The following COL28A1 variants were observed in gnomAD, a reference collection of about 807,000 sequenced individuals.
The protein encoded by COL28A1 is collagen type XXVIII alpha 1 chain, also known as collagen alpha-1(XXVIII) chain.
A neutral mutation model predicts 150.2 loss-of-function variants in COL28A1; 161 were observed. The observed-to-expected ratio is 1.07, with a 90% CI of 0.94 to 1.22. The LOEUF is 1.22. COL28A1 is among the 50% of genes most tolerant of loss of function. The pLI is 0.00. For synonymous variants in COL28A1, 552 were observed against 469.7 expected (o/e 1.18, Z -2.26); for missense variants, 1,617 against 1,388.3 (o/e 1.16, Z -2.62).
chr7:7,410,653 TTA>T (rs979653138), intron 27 of COL28A1, among the ~76,000 whole-genome samples: 55 of 136,408 alleles, frequency 4.0e-4, no homozygotes, highest in South Asian at 1.2e-3. Flanking sequence ...TTTTTTTTTT[TTA>T]AATGCTGTTG....
intron 23 of COL28A1, among the ~76,000 whole-genome samples, chr7:7,435,983 C>T (rs993784324): frequency 1.4e-4 from 21 of 152,114 alleles, no homozygotes; most frequent in African/African-American, 5.1e-4. Flanking sequence ...TTTGTCTTTC[C>T]CTTTGAAATA....
upstream of COL28A1, among the ~76,000 whole-genome samples, chr7:7,540,080 G>T (rs1269235320): frequency 6.6e-6 from 1 of 152,008 alleles, no homozygotes; most frequent in African/African-American, 2.4e-5. Flanking sequence ...ATAAATCAAG[G>T]TGCCATCTGG....
intron 28 of COL28A1, 52 bp from the exon 29 acceptor site, chr7:7,380,914 G>C (rs1382467842): frequency 5.4e-6 from 8 of 1,493,020 alleles, no homozygotes; most frequent in Non-Finnish European, 6.5e-6. Context: ...CTAAAAGCCA[G>C]ATAAGAAAAG....
At chr7:7,397,448 C>T (rs547986504) in intron 27 of COL28A1, among the ~76,000 whole-genome samples, 16 of 152,256 alleles carry the variant, frequency 1.1e-4, no homozygotes, top group African/African-American at 3.9e-4. Flanking sequence ...CAGATGTGGA[C>T]GTCTTTGAGA....
At chr7:7,403,470 T>C (rs2128300276) in intron 27 of COL28A1, among the ~76,000 whole-genome samples, 1 of 152,322 alleles carries the variant, frequency 6.6e-6, no homozygotes, top group East Asian at 1.9e-4. Flanking sequence ...TATTTTATAC[T>C]CACACTCACA....
At chr7:7,512,290 T>C (rs1365468638) in intron 8 of COL28A1, among the ~76,000 whole-genome samples, 1 of 152,166 alleles carries the variant, frequency 6.6e-6, no homozygotes, top group East Asian at 1.9e-4. Context: ...GATCTATTGT[T>C]CAACACGATG....
intron 27 of COL28A1, among the ~76,000 whole-genome samples, chr7:7,391,983 C>T (rs1782571979): frequency 6.6e-6 from 1 of 151,562 alleles, no homozygotes; most frequent in African/African-American, 2.4e-5. Flanking sequence ...AGCCCGTTTA[C>T]AGTTAATATT....
chr7:7,364,001 C>T lies in COL28A1; in HGVS notation c.3067-3473G>A, dbSNP rs553878268. Among the ~76,000 whole-genome samples, 25 of 152,184 alleles carry T rather than the reference C, an allele frequency of 1.6e-4. No individual in the cohort carries two copies. The East Asian group carries it at 4.8e-3, about 29-fold the overall frequency. ...CTACTCCCAGAATATCTGGTCAGGACCTTTCATTCCTTCTTCCTCTCTATT... is the reference window on the plus strand; with the variant it reads ...CTACTCCCAGAATATCTGGTCAGGATCTTTCATTCCTTCTTCCTCTCTATT... On this transcript the variant is annotated intron_variant, in intron 33 of 34. Transcript: ENST00000399429.
chr7:7,538,931 A>C (rs951081252), upstream of COL28A1, among the ~76,000 whole-genome samples: 2 of 150,136 alleles, frequency 1.3e-5, no homozygotes, highest in African/African-American at 4.9e-5. Flanking sequence ...TTTGTTCTTG[A>C]AGATCCTTTC....
intron 30 of COL28A1, among the ~76,000 whole-genome samples, chr7:7,380,219 A>T (rs1781795092): frequency 6.6e-6 from 1 of 152,164 alleles, no homozygotes; most frequent in Non-Finnish European, 1.5e-5. Context: ...TGAATAATTG[A>T]ATCAATATAT....
At chr7:7,528,582 A>G (rs1361825891) in intron 3 of COL28A1, among the ~76,000 whole-genome samples, 3 of 152,240 alleles carry the variant, frequency 2.0e-5, no homozygotes, top group Admixed American at 6.5e-5. Flanking sequence ...AACTTCTGAT[A>G]CAGAAAAAAA....
intron 8 of COL28A1, among the ~76,000 whole-genome samples, chr7:7,513,188 C>T (rs1259576398): frequency 6.6e-6 from 1 of 152,156 alleles, no homozygotes; most frequent in East Asian, 1.9e-4. Flanking sequence ...GTGCCATAGC[C>T]TTTACATTAT....
chr7:7,400,975 G>GGTGTGTGTGT (rs60064708), intron 27 of COL28A1, among the ~76,000 whole-genome samples: 4,854 of 118,938 alleles, frequency 0.041, 182 homozygotes, highest in African/African-American at 0.052. Flanking sequence ...TGGGTATTTG[G>GGTGTGTGTGT]GTGTGTGTGT....
rs1175275156 is a variant in COL28A1, at chr7:7,532,976, C to T, written c.-37-64G>A. On this transcript the variant is annotated intron_variant, in intron 1 of 34. Transcript: ENST00000399429. ...TATGGTGTTTGTTATTTTTAAATTTCAAGCCAGCAGGGTTGAAAACTGGCA... is the reference window on the plus strand; with the variant it reads ...TATGGTGTTTGTTATTTTTAAATTTTAAGCCAGCAGGGTTGAAAACTGGCA... 1.5e-5 allele frequency: 20 copies of T among 1,378,118 alleles called. No homozygotes were observed. In the South Asian group the frequency reaches 4.2e-4, roughly 29 times the overall value. The allele number at this position is 1,378,118 out of a possible 1,614,324, so 85.4% of individuals were successfully genotyped here.
chr7:7,432,456 C>T lies in COL28A1; in HGVS notation c.1998+17G>A, dbSNP rs1399256233. On this transcript the variant is annotated intron_variant, in intron 25 of 34. Coordinates refer to ENST00000399429, the MANE Select transcript of COL28A1 (RefSeq NM_001037763.3). ...GCACTCTTAGAAGCTAGTACGTTGC[C>T]TACTTTAAAGTCTTACCTTTGCTCC... is the stretch of plus-strand genomic sequence containing the variant. 11 of 1,612,216 alleles carry T rather than the reference C, an allele frequency of 6.8e-6. No homozygotes were observed. The highest frequency in any genetic ancestry group is 6.7e-5 in the East Asian group (3 of 44,878).
intron 4 of COL28A1, 91 bp from the exon 5 acceptor site, chr7:7,522,052 G>A (rs1216285160): frequency 5.2e-6 from 4 of 775,538 alleles, no homozygotes; most frequent in Admixed American, 3.7e-5. Flanking sequence ...ATTTCAAAGT[G>A]TATTTCAAAT....
At chr7:7,452,254 A>C in intron 18 of COL28A1, 65 bp downstream of exon 18, 4 of 1,570,596 alleles carry the variant, frequency 2.5e-6, no homozygotes, top group Non-Finnish European at 3.4e-6. Flanking sequence ...GCAATTGGAT[A>C]TAAAGGAAAC....
At chr7:7,446,366 GA>G (rs1161031668) in intron 18 of COL28A1, among the ~76,000 whole-genome samples, 1 of 151,850 alleles carries the variant, frequency 6.6e-6, no homozygotes, top group Admixed American at 6.6e-5. Context: ...TAATCTTTGA[GA>G]AAAATATGAA....
intron 18 of COL28A1, 27 bp from the exon 19 acceptor site, chr7:7,444,516 C>A (rs1786099585): frequency 6.2e-7 from 1 of 1,607,470 alleles, no homozygotes; most frequent in Admixed American, 1.7e-5. Flanking sequence ...TATTTTATTT[C>A]CCTAAAGTTC....
Sources: allele counts gnomAD v4.1 joint callset (sites outside exome capture counted in the v4.1 genomes callset), GRCh38; gene constraint gnomAD v4.1.1; transcripts MANE v1.5; gene names NCBI Gene and HGNC (gene_info 2026-07-23, HGNC 2026-07-21).